KLHL29: variants seen among roughly 807,000 people sequenced by gnomAD.
KLHL29 encodes kelch like family member 29, also known as kelch-like protein 29.
Under a neutral mutation model 80.4 loss-of-function variants are expected in KLHL29, and 21 were observed. The ratio of observed to expected loss-of-function variants is 0.26; its 90% CI spans 0.19 to 0.38. The LOEUF is 0.38. Ranked by LOEUF, KLHL29 falls within the 10% of genes least tolerant of loss-of-function variation. The pLI is 1.00. For synonymous variants in KLHL29, 511 were observed against 526.8 expected (o/e 0.97, Z 0.41); for missense variants, 867 against 1,223.9 (o/e 0.71, Z 4.35).
chr2:23,662,310 G>A (rs1456430006), intron 5 of KLHL29, among the ~76,000 whole-genome samples: 4 of 152,026 alleles, frequency 2.6e-5, no homozygotes, highest in Non-Finnish European at 5.9e-5. Context: ...TCTTACTATC[G>A]CCCACCAACC....
intron 2 of KLHL29, among the ~76,000 whole-genome samples, chr2:23,550,122 C>T (rs959791781): frequency 6.6e-6 from 1 of 152,134 alleles, no homozygotes; most frequent in African/African-American, 2.4e-5. Context: ...AAGGCAGGAG[C>T]TGTGCCCTGT....
intron 3 of KLHL29, among the ~76,000 whole-genome samples, chr2:23,633,613 A>G (rs77231357): frequency 0.042 from 6,390 of 152,060 alleles, 213 homozygotes; most frequent in Non-Finnish European, 0.067. Context: ...TTGACTAGTA[A>G]CCCTTGGTGA....
At chr2:23,546,115 G>A (rs1322548710) in intron 2 of KLHL29, among the ~76,000 whole-genome samples, 1 of 152,158 alleles carries the variant, frequency 6.6e-6, no homozygotes, top group Non-Finnish European at 1.5e-5. Context: ...CCCTCTCAGG[G>A]GCCCTGACCC....
rs1006423549 is a variant in KLHL29, at chr2:23,385,399, C to G, written c.-535C>G. ...GCCGCGAGCCCGGAGCCAGCCCCAG[C>G]CCCGCGGCCGCCGCGGCTGCGGGGA... On this transcript the variant is annotated 5_prime_UTR_variant, in exon 1 of 14. Transcript: ENST00000486442. 10 of 149,850 alleles carry G rather than the reference C, an allele frequency of 6.7e-5. No homozygotes were observed. 9.3% of individuals were successfully genotyped at this position (149,850 alleles called of 1,614,324 possible). A position where few individuals can be genotyped will look rare whatever the true frequency, so the allele number is the denominator to read the frequency against.
intron 2 of KLHL29, among the ~76,000 whole-genome samples, chr2:23,485,324 A>C (rs1664907009): frequency 6.6e-6 from 1 of 152,308 alleles, no homozygotes; most frequent in African/African-American, 2.4e-5. Flanking sequence ...AGGCTCTCAA[A>C]TGTTTCTGAG....
intron 3 of KLHL29, among the ~76,000 whole-genome samples, chr2:23,574,399 T>A (rs1003850322): frequency 4.6e-5 from 7 of 152,190 alleles, no homozygotes; most frequent in Non-Finnish European, 1.0e-4. Context: ...ACTGTTTCCT[T>A]ATCTACAAGC....
chr2:23,696,195 C>T lies in KLHL29; in HGVS notation c.1924+62C>T, dbSNP rs1261458564. The stretch of plus-strand genomic sequence containing the variant: ...GGGGTCCCAAGGGGACTGCTCCCCA[C>T]GTCAGGGCTGAGGAAGGCCATGGCC... On this transcript the variant is annotated intron_variant, in intron 10 of 13. Transcript: ENST00000486442. The surrounding 1 kb of genome is among the most constrained non-coding windows in gnomAD (Gnocchi z 5.5). 1.1e-5 allele frequency: 17 copies of T among 1,508,970 alleles called. No individual in the cohort carries two copies. Among genetic ancestry groups the T allele is most frequent in the Admixed American group, 4.0e-5 (2 of 49,386 alleles). The allele number at this position is 1,508,970 out of a possible 1,614,324, so 93.5% of individuals were successfully genotyped here. A position where few individuals can be genotyped will look rare whatever the true frequency, so the allele number is the denominator to read the frequency against.
chr2:23,589,645 C>T (rs1207790225), intron 3 of KLHL29, among the ~76,000 whole-genome samples: 1 of 152,236 alleles, frequency 6.6e-6, no homozygotes, highest in Non-Finnish European at 1.5e-5. Context: ...GGTCAGCAGA[C>T]AGAAAGCCCA....
intron 1 of KLHL29, 58 bp from the exon 2 acceptor site, chr2:23,475,499 AAAG>A (rs1664609206): frequency 6.1e-6 from 1 of 164,056 alleles, no homozygotes; most frequent in African/African-American, 2.4e-5. Flanking sequence ...AAAAAAAAGA[AAAG>A]AAAAAAAATT....
At chr2:23,670,981 CCTCCCTCCCT>C (rs775882274) in intron 5 of KLHL29, among the ~76,000 whole-genome samples, 3 of 9,470 alleles carry the variant, frequency 3.2e-4, no homozygotes, top group Non-Finnish European at 8.2e-4. Context: ...TCTCTCTCTC[CCTCCCTCCCT>C]CCCTCCCTCC....
intron 1 of KLHL29, among the ~76,000 whole-genome samples, chr2:23,453,123 T>G (rs1401167566): frequency 6.7e-6 from 1 of 149,840 alleles, no homozygotes; most frequent in African/African-American, 2.5e-5. Flanking sequence ...AAAAAAAAAG[T>G]AAAAGTAAAT....
intron 3 of KLHL29, among the ~76,000 whole-genome samples, chr2:23,593,052 G>A (rs1271386258): frequency 2.6e-5 from 4 of 152,178 alleles, no homozygotes; most frequent in Admixed American, 6.5e-5. Context: ...AAGCAGGAGC[G>A]GGTGGGGATA....
chr2:23,665,621 G>A (rs147554093), intron 5 of KLHL29, among the ~76,000 whole-genome samples: 154 of 152,336 alleles, frequency 1.0e-3, no homozygotes, highest in African/African-American at 3.6e-3. Flanking sequence ...GGCTGTACGG[G>A]AAGCATGGCA....
intron 1 of KLHL29, among the ~76,000 whole-genome samples, chr2:23,411,600 C>T (rs940751875): frequency 3.3e-5 from 5 of 152,056 alleles, no homozygotes. Context: ...AGAGTTTTCT[C>T]AGCCTCATCC....
intron 3 of KLHL29, among the ~76,000 whole-genome samples, chr2:23,590,311 C>G (rs1036473921): frequency 5.9e-5 from 9 of 152,230 alleles, no homozygotes; most frequent in Non-Finnish European, 1.2e-4. Flanking sequence ...AAGCAGAGTT[C>G]TAGCTTCTGG....
chr2:23,489,262 T>A (rs1190905381), intron 2 of KLHL29, among the ~76,000 whole-genome samples: 1 of 152,102 alleles, frequency 6.6e-6, no homozygotes, highest in Admixed American at 6.5e-5. Flanking sequence ...AGGAAGGGCC[T>A]ACCCGCGAGC....
chr2:23,441,157 T>G (rs1201947099), intron 1 of KLHL29, among the ~76,000 whole-genome samples: 11 of 152,038 alleles, frequency 7.2e-5, no homozygotes, highest in Non-Finnish European at 1.3e-4. Context: ...CCATAAAAAA[T>G]GATGAGTTCA....
intron 3 of KLHL29, among the ~76,000 whole-genome samples, chr2:23,602,311 C>T (rs576460228): frequency 5.5e-4 from 84 of 152,334 alleles, no homozygotes; most frequent in Non-Finnish European, 9.7e-4. Context: ...CCAAAGCAGG[C>T]GTATTGTGTT....
At chr2:23,492,395 G>A (rs913033059) in intron 2 of KLHL29, among the ~76,000 whole-genome samples, 3 of 152,176 alleles carry the variant, frequency 2.0e-5, no homozygotes, top group Non-Finnish European at 2.9e-5. Flanking sequence ...CTTCACCCCC[G>A]CTTCTGAAAA....
Sources: gnomAD v4.1 joint callset for allele counts (sites outside exome capture counted in the v4.1 genomes callset) on GRCh38, gnomAD v4.1.1 for gene constraint, Gnocchi (gnomAD v3.1) non-coding constraint, MANE v1.5 for transcripts, NCBI Gene and HGNC (gene_info 2026-07-23, HGNC 2026-07-21) for gene names.